WASHC5: variants seen among roughly 807,000 people sequenced by gnomAD.
WASHC5 encodes the protein WASH complex subunit strumpellin.
In WASHC5, 101 loss-of-function variants were observed where a neutral mutation model predicts 150.4. The ratio of observed to expected loss-of-function variants is 0.67; its 90% CI spans 0.57 to 0.79. The LOEUF is 0.79. WASHC5 is among the 30% of genes least tolerant of loss of function. WASHC5 has a pLI of 0.00. For missense variants in WASHC5, 1,195 were observed against 1,396.3 expected (o/e 0.86, Z 2.30); for synonymous variants, 467 against 491.2 (o/e 0.95, Z 0.65).
chr8:125,033,897 A>C (rs1336977615), intron 26 of WASHC5, among the ~76,000 whole-genome samples: 1 of 152,180 alleles, frequency 6.6e-6, no homozygotes, highest in Non-Finnish European at 1.5e-5. Flanking sequence ...TAAAGGAAAA[A>C]AATGGATAAA....
Position 125,030,222 on chromosome 8 carries a change from C to T in WASHC5, c.3336-1515G>A, listed in dbSNP as rs143323204. Among the ~76,000 whole-genome samples, 1,050 of 152,272 alleles carry T rather than the reference C, an allele frequency of 6.9e-3. 6 individuals are homozygous for T. The highest frequency in any genetic ancestry group is 0.024 in the African/African-American group (986 of 41,528). On this transcript the variant is annotated intron_variant, in intron 27 of 28. Transcript: ENST00000318410. ...GTGGAGGTTACTTGCTAATCACCTC[C>T]GCACCACCTGAACTGGAGTCCTTCC... is the stretch of plus-strand genomic sequence containing the variant.
chr8:125,081,830 C>A lies in WASHC5; in HGVS notation c.418-69G>T, dbSNP rs1817275452. 53 of 935,098 alleles carry A rather than the reference C, an allele frequency of 5.7e-5. No homozygotes were observed. In the South Asian group the frequency reaches 6.5e-4, roughly 12 times the overall value. The allele number at this position is 935,098 out of a possible 1,614,324, so 57.9% of individuals were successfully genotyped here. On this transcript the variant is annotated intron_variant, in intron 4 of 28. Transcript: ENST00000318410. Reference sequence around the variant, plus strand: ...ATTCTTAGGGAGTAAAGTCGGTAATCATGAAAAATATTGCTTTGCTCACAC... The same window carrying A: ...ATTCTTAGGGAGTAAAGTCGGTAATAATGAAAAATATTGCTTTGCTCACAC...
At chr8:125,074,941 G>T in intron 8 of WASHC5, 57 bp downstream of exon 8, 1 of 981,484 alleles carries the variant, frequency 1.0e-6, no homozygotes, top group Non-Finnish European at 1.7e-6. Flanking sequence ...TAGCTTATTT[G>T]CTACTTCATA....
At chr8:125,040,472 A>T (rs146706062) in intron 23 of WASHC5, among the ~76,000 whole-genome samples, 29 of 152,176 alleles carry the variant, frequency 1.9e-4, no homozygotes, top group African/African-American at 7.0e-4. Context: ...CAGGGTTCTT[A>T]ATTTTTTTTG....
Position 125,038,849 on chromosome 8 carries a change from A to G in WASHC5, c.3065T>C (p.Ile1022Thr), listed in dbSNP as rs150819213. ...ACTCACCTTATTCAGTGGGTTGTGAATGCCAGCTGCCTCCAGATAGGCTGT... is the reference window on the plus strand; with the variant it reads ...ACTCACCTTATTCAGTGGGTTGTGAGTGCCAGCTGCCTCCAGATAGGCTGT... ...EITAYLEAAGIHNPLNKIYIT... is the reference protein window; with the variant it reads ...EITAYLEAAGTHNPLNKIYIT... The change falls in exon 25 of 29, where the codon ATT becomes ACT. Residue 1022 changes from isoleucine to threonine, a missense_variant. Coordinates refer to ENST00000318410, the MANE Select transcript of WASHC5 (RefSeq NM_014846.4). 33 of 1,613,966 alleles carry G rather than the reference A, an allele frequency of 2.0e-5. No homozygotes were observed. In the Middle Eastern group the frequency reaches 9.9e-4, roughly 48 times the overall value.
chr8:125,025,494 CCTGA>C (rs1341537817), intron 28 of WASHC5, among the ~76,000 whole-genome samples: 1 of 151,796 alleles, frequency 6.6e-6, no homozygotes, highest in Non-Finnish European at 1.5e-5. Context: ...TCAAGACCAG[CCTGA>C]CTAACATGGA....
Position 125,083,693 on chromosome 8 carries a change from A to ATAAATCT in WASHC5, c.186+19_186+20insAGATTTA. The ATAAATCT allele has an allele frequency of 2.5e-6, 4 of 1,572,170 alleles. No individual in the cohort carries two copies. Among genetic ancestry groups the ATAAATCT allele is most frequent in the Non-Finnish European group, 3.5e-6 (4 of 1,143,904 alleles). On this transcript the variant is annotated intron_variant, in intron 2 of 28. Coordinates refer to ENST00000318410, the MANE Select transcript of WASHC5 (RefSeq NM_014846.4). ...TTTTGTAGAAAAGACAACAATAAAA[A>ATAAATCT]TGCTATAGAGGAAGATTACCTTAAA... is the stretch of plus-strand genomic sequence containing the variant.
chr8:125,088,028 G>A (rs546308859), intron 1 of WASHC5, among the ~76,000 whole-genome samples: 4 of 152,236 alleles, frequency 2.6e-5, no homozygotes, highest in Admixed American at 2.6e-4. Flanking sequence ...CAAGCAGTAT[G>A]GATATCTGGG....
Position 125,024,413 on chromosome 8 carries a change from G to T in WASHC5, c.*204C>A. 1.6e-6 allele frequency: 1 copy of T among 614,946 alleles called. No homozygotes were observed. The allele number at this position is 614,946 out of a possible 1,614,324, so 38.1% of individuals were successfully genotyped here. ...GTTCTGCTTTTATCTGATATAAATT[G>T]CATGTAATACCATGATTTAAACAAT... On this transcript the variant is annotated 3_prime_UTR_variant, in exon 29 of 29. Coordinates refer to ENST00000318410, the MANE Select transcript of WASHC5 (RefSeq NM_014846.4).
At position 125,049,275 on chromosome 8, in the gene WASHC5, C is replaced by T. The variant is rs1003988078; in HGVS notation, c.2200-90G>A. 11 of 1,404,780 alleles carry T rather than the reference C, an allele frequency of 7.8e-6. No homozygotes were observed. In the African/African-American group the frequency reaches 9.9e-5, roughly 13 times the overall value. 87.0% of individuals were successfully genotyped at this position (1,404,780 alleles called of 1,614,324 possible). On this transcript the variant is annotated intron_variant, in intron 18 of 28. Transcript: ENST00000318410. ...TCTAACTAGACTTTAAATAGTATAG[C>T]AGGCCAGATGCGGTGGCTCCCACCT...
At chr8:125,078,628 T>A in intron 6 of WASHC5, 110 bp downstream of exon 6, 1 of 901,138 alleles carries the variant, frequency 1.1e-6, no homozygotes, top group Non-Finnish European at 1.8e-6. Context: ...TAAAAGGTTC[T>A]ACCTGCTTTT....
chr8:125,063,745 T>A, intron 10 of WASHC5, 94 bp from the exon 11 acceptor site: 1 of 1,113,408 alleles, frequency 9.0e-7, no homozygotes, highest in Non-Finnish European at 1.3e-6. Flanking sequence ...ATTTAAATTT[T>A]AAATAAGAAG....
intron 28 of WASHC5, among the ~76,000 whole-genome samples, chr8:125,028,320 C>T (rs1003075086): frequency 2.0e-5 from 3 of 152,190 alleles, no homozygotes; most frequent in African/African-American, 7.2e-5. Context: ...CCTCTGGCCA[C>T]TTAAGGAATC....
Position 125,083,267 on chromosome 8 carries a change from A to G in WASHC5, c.187-9T>C. 1 of 1,611,680 alleles carries G rather than the reference A, an allele frequency of 6.2e-7. No homozygotes were observed. ...TCCCATAATTCTGGACCCTGAGAAA[A>G]AAAAACACATGTGAAATGTCAATAA... On this transcript the variant is annotated splice_polypyrimidine_tract_variant and intron_variant, in intron 2 of 28. Transcript: ENST00000318410.
intron 26 of WASHC5, 35 bp downstream of exon 26, chr8:125,037,202 T>G: frequency 8.6e-7 from 1 of 1,160,220 alleles, no homozygotes; most frequent in Non-Finnish European, 1.3e-6. Flanking sequence ...CTGTTGGTAT[T>G]GTTACTCATT....
chr8:125,068,256 A>C (rs1816805056), intron 9 of WASHC5, among the ~76,000 whole-genome samples: 1 of 152,188 alleles, frequency 6.6e-6, no homozygotes, highest in Non-Finnish European at 1.5e-5. Context: ...CTAAGCCTTA[A>C]ATGATTGTAC....
At chr8:125,051,733 C>A (rs972021617) in intron 17 of WASHC5, among the ~76,000 whole-genome samples, 3 of 152,126 alleles carry the variant, frequency 2.0e-5, no homozygotes, top group Admixed American at 2.0e-4. Flanking sequence ...ACTAAAAATA[C>A]AAAATTAGTC....
rs770249644 is a variant in WASHC5 at position 125,038,794 on chromosome 8, C to A, written c.3084+36G>T. On this transcript the variant is annotated intron_variant, in intron 25 of 28. Transcript: ENST00000318410. ...TACCTGGGCCAAATACCATTCTGTACCCCCATCCCCGCCATTATATATTTT... is the reference window on the plus strand; with the variant it reads ...TACCTGGGCCAAATACCATTCTGTAACCCCATCCCCGCCATTATATATTTT... 1.9e-6 allele frequency: 3 copies of A among 1,611,514 alleles called. No individual in the cohort carries two copies. In the African/African-American group the frequency reaches 4.0e-5, roughly 22 times the overall value.
chr8:125,083,321 A>G, intron 2 of WASHC5, 63 bp from the exon 3 acceptor site: 4 of 1,493,916 alleles, frequency 2.7e-6, no homozygotes, highest in Non-Finnish European at 3.7e-6. Flanking sequence ...CAATTTCTAA[A>G]TAGTCTTTTA....
Sources: allele counts gnomAD v4.1 joint callset (sites outside exome capture counted in the v4.1 genomes callset), GRCh38; gene constraint gnomAD v4.1.1; transcripts MANE v1.5; gene names NCBI Gene and HGNC (gene_info 2026-07-23, HGNC 2026-07-21).